Variants in SEC63 observed in about 807,000 individuals in gnomAD.
The protein encoded by SEC63 is SEC63 protein translocation regulator, also known as translocation protein SEC63 homolog.
Under a neutral mutation model 116.2 loss-of-function variants are expected in SEC63, and 56 were observed. The observed-to-expected ratio is 0.48, with a 90% CI of 0.39 to 0.60. SEC63 has a LOEUF of 0.60. Ranked by LOEUF, SEC63 falls within the 20% of genes least tolerant of loss-of-function variation. The pLI, the probability that SEC63 is intolerant of heterozygous loss-of-function variation, is 0.00. For synonymous variants in SEC63, 273 were observed against 294.6 expected (o/e 0.93, Z 0.75); for missense variants, 668 against 900.0 (o/e 0.74, Z 3.30).
chr6:107,903,422 G>A (rs1440762882), intron 11 of SEC63, among the ~76,000 whole-genome samples: 1 of 151,664 alleles, frequency 6.6e-6, no homozygotes. Context: ...CTAGGTGCCT[G>A]TAGGCATGTG....
At chr6:107,885,389 T>C (rs1177923297) in intron 16 of SEC63, among the ~76,000 whole-genome samples, 1 of 152,164 alleles carries the variant, frequency 6.6e-6, no homozygotes, top group African/African-American at 2.4e-5. Context: ...AAAATTTTAA[T>C]GACATTTACA....
intron 1 of SEC63, among the ~76,000 whole-genome samples, chr6:107,930,633 T>G (rs988727301): frequency 2.0e-5 from 3 of 149,944 alleles, no homozygotes; most frequent in Non-Finnish European, 3.0e-5. Context: ...AAAAGTAGAG[T>G]AAAATTCAGT....
chr6:107,923,667 G>A (rs944514897), intron 3 of SEC63, among the ~76,000 whole-genome samples: 26 of 151,520 alleles, frequency 1.7e-4, no homozygotes, highest in Non-Finnish European at 2.5e-4. Context: ...TAGGACTATA[G>A]GTGTGTTGCT....
chr6:107,954,773 A>G (rs1770674183), intron 1 of SEC63: 1 of 152,220 alleles, frequency 6.6e-6, no homozygotes, highest in Admixed American at 6.5e-5. Context: ...TGGGCTGCAG[A>G]AAAAAAGTCA....
chr6:107,889,002 T>C (rs1455563456), intron 16 of SEC63, among the ~76,000 whole-genome samples: 4 of 152,226 alleles, frequency 2.6e-5, no homozygotes, highest in Non-Finnish European at 4.4e-5. Flanking sequence ...CAGTATTTTA[T>C]TGAGGATTTT....
At chr6:107,955,655 G>A (rs1020869647) in intron 1 of SEC63, among the ~76,000 whole-genome samples, 1 of 152,076 alleles carries the variant, frequency 6.6e-6, no homozygotes, top group African/African-American at 2.4e-5. Context: ...GGAGCCCGAG[G>A]AGGGCAGATC....
chr6:107,894,311 G>T (rs1652296093), intron 14 of SEC63, among the ~76,000 whole-genome samples: 1 of 152,148 alleles, frequency 6.6e-6, no homozygotes, highest in African/African-American at 2.4e-5. Flanking sequence ...AAACCCTTGA[G>T]ACTAGTATTA....
intron 19 of SEC63, among the ~76,000 whole-genome samples, 166 bp from the exon 20 acceptor site, chr6:107,873,078 C>A (rs574527141): frequency 1.3e-5 from 2 of 151,926 alleles, no homozygotes; most frequent in African/African-American, 4.8e-5. Flanking sequence ...TAAAAAAAAG[C>A]GAAATGTATG....
chr6:107,875,466 G>A (rs1024239641), intron 19 of SEC63, among the ~76,000 whole-genome samples: 2 of 152,180 alleles, frequency 1.3e-5, no homozygotes, highest in African/African-American at 4.8e-5. Context: ...GGAGGCCAAA[G>A]CAGGCGGATC....
At chr6:107,879,997 A>G (rs924752760) in intron 18 of SEC63, among the ~76,000 whole-genome samples, 5 of 152,144 alleles carry the variant, frequency 3.3e-5, no homozygotes, top group African/African-American at 1.2e-4. Context: ...AGCTTTGAGC[A>G]CCCCATGGCA....
chr6:107,886,802 T>A (rs1310780778), intron 16 of SEC63, among the ~76,000 whole-genome samples: 1 of 151,836 alleles, frequency 6.6e-6, no homozygotes. Context: ...TCCCATTCTG[T>A]GGGTTGCCTG....
intron 1 of SEC63, among the ~76,000 whole-genome samples, chr6:107,940,576 T>C (rs752120815): frequency 1.3e-5 from 2 of 151,584 alleles, no homozygotes; most frequent in Non-Finnish European, 2.9e-5. Flanking sequence ...AATTCACAAA[T>C]GTCCTCTGGG....
intron 1 of SEC63, among the ~76,000 whole-genome samples, chr6:107,954,356 G>A (rs1770660149): frequency 6.6e-6 from 1 of 150,594 alleles, no homozygotes; most frequent in Non-Finnish European, 1.5e-5. Flanking sequence ...CTCTGCCTAG[G>A]AAAACCAGAG....
intron 12 of SEC63, among the ~76,000 whole-genome samples, 194 bp downstream of exon 12, chr6:107,902,650 G>T (rs1199234537): frequency 2.0e-5 from 3 of 152,072 alleles, no homozygotes; most frequent in Admixed American, 6.5e-5. Flanking sequence ...ACTTACAGTA[G>T]TAAAATACTA....
chr6:107,893,989 A>G, intron 14 of SEC63, 92 bp from the exon 15 acceptor site: 1 of 1,332,470 alleles, frequency 7.5e-7, no homozygotes, highest in Admixed American at 1.9e-5. Context: ...CATTTTTATT[A>G]AGTATTTTTA....
intron 4 of SEC63, among the ~76,000 whole-genome samples, chr6:107,918,838 C>T (rs949289358): frequency 5.3e-5 from 8 of 149,946 alleles, no homozygotes; most frequent in Non-Finnish European, 1.0e-4. Flanking sequence ...CCATTAAGAA[C>T]ATTTGTGATT....
rs1292652472 is a variant in SEC63, at chr6:107,958,117, C to T, written c.-108G>A. ...AGTGGCGTAGCTTGGACACTGCCGC[C>T]GCCGCCTCTCCTCCCCGCCCCCACG... On this transcript the variant is annotated 5_prime_UTR_variant, in exon 1 of 21. Transcript: ENST00000369002. The T allele has an allele frequency of 4.6e-6, 7 of 1,532,600 alleles. No homozygotes were observed. The highest frequency in any genetic ancestry group is 4.6e-5 in the East Asian group (2 of 43,268). The allele number at this position is 1,532,600 out of a possible 1,614,324, so 94.9% of individuals were successfully genotyped here.
intron 14 of SEC63, among the ~76,000 whole-genome samples, chr6:107,895,091 T>C (rs1786784006): frequency 1.3e-5 from 2 of 152,224 alleles, no homozygotes; most frequent in Non-Finnish European, 1.5e-5. Context: ...TGATACTTGA[T>C]TACTCCAAGG....
At chr6:107,893,369 T>C in intron 16 of SEC63, 113 bp downstream of exon 16, 1 of 981,844 alleles carries the variant, frequency 1.0e-6, no homozygotes. Flanking sequence ...CTTTCTAGGG[T>C]ATCACGGGTG....
Sources: gnomAD v4.1 joint callset for allele counts (sites outside exome capture counted in the v4.1 genomes callset) on GRCh38, gnomAD v4.1.1 for gene constraint, MANE v1.5 for transcripts, NCBI Gene and HGNC (gene_info 2026-07-23, HGNC 2026-07-21) for gene names.